Variants in NOS1AP observed in about 807,000 individuals in gnomAD.
NOS1AP encodes the protein carboxyl-terminal PDZ ligand of neuronal nitric oxide synthase protein.
In NOS1AP, 21 loss-of-function variants were observed where a neutral mutation model predicts 56.2. The observed-to-expected ratio is 0.37, with a 90% CI of 0.26 to 0.54. The LOEUF (loss-of-function observed/expected upper bound fraction) is 0.54. Among genes scored for constraint, NOS1AP ranks in the 20% least tolerant of loss-of-function variants. NOS1AP has a pLI of 0.84. For synonymous variants in NOS1AP, 270 were observed against 274.6 expected (o/e 0.98, Z 0.17); for missense variants, 522 against 657.8 (o/e 0.79, Z 2.26).
rs551086898 is a variant in NOS1AP at position 162,119,960 on chromosome 1, G to A, written c.106-34445G>A. The stretch of plus-strand genomic sequence containing the variant: ...AGTTGGTATATGGCCAAAGTGACAA[G>A]TACGAACCTATCCTGTGAATAATAG... On this transcript the variant is annotated intron_variant, in intron 1 of 9. Coordinates refer to ENST00000361897, the MANE Select transcript of NOS1AP (RefSeq NM_014697.3). Among the ~76,000 whole-genome samples the A allele has an allele frequency of 1.2e-4, 19 of 152,318 alleles. 1 individual carries two copies. The South Asian group carries it at 3.7e-3, about 30-fold the overall frequency.
chr1:162,198,920 G>A (rs1651893276), intron 2 of NOS1AP, among the ~76,000 whole-genome samples: 2 of 152,140 alleles, frequency 1.3e-5, no homozygotes, highest in Admixed American at 1.3e-4. Context: ...TTGGGGCCTT[G>A]CTTTCCTAGC....
intron 2 of NOS1AP, among the ~76,000 whole-genome samples, chr1:162,218,769 G>T (rs1311999714): frequency 6.6e-6 from 1 of 152,100 alleles, no homozygotes; most frequent in African/African-American, 2.4e-5. Flanking sequence ...GTCCCTTCCA[G>T]CCCCACTCAC....
intron 2 of NOS1AP, among the ~76,000 whole-genome samples, chr1:162,156,359 A>C (rs1327617698): frequency 6.6e-6 from 1 of 152,194 alleles, no homozygotes; most frequent in Non-Finnish European, 1.5e-5. Flanking sequence ...AGGGGCAGGC[A>C]TGTGGCCTGA....
At chr1:162,141,302 G>A (rs1178067030) in intron 1 of NOS1AP, among the ~76,000 whole-genome samples, 1 of 151,090 alleles carries the variant, frequency 6.6e-6, no homozygotes, top group African/African-American at 2.4e-5. Context: ...TGGTGCAGCT[G>A]GAATTGGAAC....
At chr1:162,161,138 T>C (rs879415147) in intron 2 of NOS1AP, among the ~76,000 whole-genome samples, 2 of 152,206 alleles carry the variant, frequency 1.3e-5, no homozygotes, top group Non-Finnish European at 1.5e-5. Context: ...ATTAGATTGG[T>C]CCCTCCTCAT....
chr1:162,139,789 G>A (rs1265070265), intron 1 of NOS1AP, among the ~76,000 whole-genome samples: 1 of 152,080 alleles, frequency 6.6e-6, no homozygotes, highest in East Asian at 1.9e-4. Flanking sequence ...GAGGCAAGCC[G>A]TGTGATTTCA....
At chr1:162,225,488 G>A (rs560220736) in intron 2 of NOS1AP, among the ~76,000 whole-genome samples, 1 of 152,326 alleles carries the variant, frequency 6.6e-6, no homozygotes, top group Admixed American at 6.5e-5. Flanking sequence ...CTCTTCTTCA[G>A]GTAGGTTGTG....
intron 2 of NOS1AP, among the ~76,000 whole-genome samples, chr1:162,258,915 G>T (rs530713530): frequency 2.6e-5 from 4 of 152,202 alleles, no homozygotes; most frequent in African/African-American, 7.2e-5. Context: ...ATTGTAGGTG[G>T]GATGACGTCT....
At chr1:162,084,197 T>G (rs967648825) in intron 1 of NOS1AP, among the ~76,000 whole-genome samples, 24 of 152,218 alleles carry the variant, frequency 1.6e-4, no homozygotes, top group African/African-American at 5.3e-4. Context: ...CTTTTCTCAT[T>G]CATGTTGAGA....
chr1:162,190,563 A>G (rs988281840), intron 2 of NOS1AP, among the ~76,000 whole-genome samples: 1 of 152,106 alleles, frequency 6.6e-6, no homozygotes, highest in Non-Finnish European at 1.5e-5. Flanking sequence ...TCAGATCAGG[A>G]TAATTAGCAT....
At chr1:162,295,014 T>C (rs1655408758) in intron 3 of NOS1AP, among the ~76,000 whole-genome samples, 1 of 152,212 alleles carries the variant, frequency 6.6e-6, no homozygotes, top group East Asian at 1.9e-4. Flanking sequence ...GAGCCCTGCC[T>C]GAGCCTGGAC....
At chr1:162,164,721 C>A (rs1021795862) in intron 2 of NOS1AP, among the ~76,000 whole-genome samples, 1 of 152,120 alleles carries the variant, frequency 6.6e-6, no homozygotes, top group Non-Finnish European at 1.5e-5. Flanking sequence ...AATAGTATTC[C>A]CTTCTGTGAC....
chr1:162,135,909 A>G (rs900336402), intron 1 of NOS1AP, among the ~76,000 whole-genome samples: 1 of 152,198 alleles, frequency 6.6e-6, no homozygotes, highest in African/African-American at 2.4e-5. Flanking sequence ...TTTGTTAAAA[A>G]TTTATTTTTT....
intron 2 of NOS1AP, among the ~76,000 whole-genome samples, chr1:162,256,584 G>A (rs527544443): frequency 3.5e-4 from 53 of 152,270 alleles, no homozygotes; most frequent in Non-Finnish European, 7.4e-4. Context: ...CAACTGCACT[G>A]TTTTCCTTCC....
rs544924921 is a variant in NOS1AP, at chr1:162,127,109, A to AT, written c.106-27287dup. Among the ~76,000 whole-genome samples the AT allele has an allele frequency of 0.011, 1,724 of 151,124 alleles. 108 individuals are homozygous for AT. The East Asian group carries it at 0.18, about 15-fold the overall frequency. On this transcript the variant is annotated intron_variant, in intron 1 of 9. Transcript: ENST00000361897. ...ATCATCTGCTTATATCTTTTGCCAT[A>AT]TTTTTTTTTAAATCAGGGTTTTGGT...
intron 2 of NOS1AP, among the ~76,000 whole-genome samples, chr1:162,171,550 C>G (rs937471814): frequency 1.3e-5 from 2 of 152,148 alleles, no homozygotes; most frequent in African/African-American, 4.8e-5. Context: ...TACTTCTGTA[C>G]TGGTCTTCAC....
At position 162,294,106 on chromosome 1, in the gene NOS1AP, G is replaced by A. The variant is rs560430833; in HGVS notation, c.271-6527G>A. On this transcript the variant is annotated intron_variant, in intron 3 of 9. Transcript: ENST00000361897. ...GGAAGCATCTGAGAAAGGCTGGGAG[G>A]ACTGTCAGGCTGCAGAGAGGCCTGC... Among the ~76,000 whole-genome samples the A allele has an allele frequency of 1.2e-4, 19 of 152,128 alleles. No individual in the cohort carries two copies. In the South Asian group the frequency reaches 3.3e-3, roughly 27 times the overall value.
At chr1:162,154,536 T>A (rs1649850812) in intron 2 of NOS1AP, 60 bp downstream of exon 2, 1 of 1,559,008 alleles carries the variant, frequency 6.4e-7, no homozygotes. Context: ...CTGCTGGCCC[T>A]TCTAGGTAGG....
intron 1 of NOS1AP, among the ~76,000 whole-genome samples, chr1:162,112,935 T>C (rs1647769211): frequency 6.6e-6 from 1 of 152,214 alleles, no homozygotes; most frequent in African/African-American, 2.4e-5. Flanking sequence ...TAAAAAGATA[T>C]GGGAATTCAG....
Sources: allele counts gnomAD v4.1 joint callset (sites outside exome capture counted in the v4.1 genomes callset), GRCh38; gene constraint gnomAD v4.1.1; transcripts MANE v1.5; gene names NCBI Gene and HGNC (gene_info 2026-07-23, HGNC 2026-07-21).